The following TAFA4 variants were observed in gnomAD, a reference collection of about 807,000 sequenced individuals.
TAFA4 encodes the protein TAFA chemokine like family member 4, also known as chemokine-like protein TAFA-4.
Under a neutral mutation model 21.1 loss-of-function variants are expected in TAFA4, and 20 were observed. The observed-to-expected ratio is 0.95, with a 90% CI of 0.67 to 1.38. The LOEUF (loss-of-function observed/expected upper bound fraction) is 1.38. TAFA4 is among the 40% of genes most tolerant of loss of function. The pLI is 0.00. For missense variants in TAFA4, 211 were observed against 180.9 expected (o/e 1.17, Z -0.95); for synonymous variants, 71 against 67.4 (o/e 1.05, Z -0.26).
chr3:68,864,218 TC>T (rs1305411072), intron 3 of TAFA4, among the ~76,000 whole-genome samples: 1 of 152,086 alleles, frequency 6.6e-6, no homozygotes, highest in East Asian at 1.9e-4. Flanking sequence ...AGGAATTATA[TC>T]AAGAATATAA....
chr3:68,889,907 A>G (rs534173592), intron 1 of TAFA4, among the ~76,000 whole-genome samples: 3 of 152,222 alleles, frequency 2.0e-5, no homozygotes, highest in Non-Finnish European at 4.4e-5. Context: ...AATGAACTGT[A>G]CACCCACACA....
intron 3 of TAFA4, among the ~76,000 whole-genome samples, chr3:68,811,096 C>A (rs1439274919): frequency 5.9e-5 from 9 of 152,174 alleles, no homozygotes; most frequent in South Asian, 4.1e-4. Flanking sequence ...CTCCAACAGA[C>A]CTGCAGCTGA....
At chr3:68,804,646 C>A (rs1330572277) in intron 3 of TAFA4, among the ~76,000 whole-genome samples, 1 of 152,106 alleles carries the variant, frequency 6.6e-6, no homozygotes, top group Admixed American at 6.6e-5. Context: ...AGAAATAATG[C>A]CTCCTATCTA....
At chr3:68,796,964 T>C (rs990818668) in intron 3 of TAFA4, among the ~76,000 whole-genome samples, 4 of 151,862 alleles carry the variant, frequency 2.6e-5, no homozygotes, top group African/African-American at 9.7e-5. Context: ...ATGACTACTA[T>C]CAAAAAAAAG....
At chr3:68,891,139 A>G (rs111679706) in intron 1 of TAFA4, among the ~76,000 whole-genome samples, 2,036 of 152,312 alleles carry the variant, frequency 0.013, 24 homozygotes, top group Middle Eastern at 0.027. Context: ...CAGTGAAGAT[A>G]TACCAGAGCC....
chr3:68,927,930 TC>T (rs1024817203), intron 1 of TAFA4, among the ~76,000 whole-genome samples: 2 of 152,054 alleles, frequency 1.3e-5, no homozygotes, highest in African/African-American at 4.8e-5. Context: ...AATGATATCT[TC>T]CTATTTTTCC....
intron 3 of TAFA4, among the ~76,000 whole-genome samples, chr3:68,800,191 C>T (rs1703546509): frequency 6.6e-6 from 1 of 152,082 alleles, no homozygotes; most frequent in African/African-American, 2.4e-5. Context: ...TATCCCAAAA[C>T]CATCCTTCCA....
intron 1 of TAFA4, among the ~76,000 whole-genome samples, chr3:68,926,945 G>A (rs1227572560): frequency 1.3e-5 from 2 of 152,048 alleles, no homozygotes; most frequent in African/African-American, 4.8e-5. Context: ...ATAATTCTTT[G>A]CTGTGGGAGC....
At chr3:68,901,876 A>G (rs1177341399) in intron 1 of TAFA4, among the ~76,000 whole-genome samples, 1 of 152,188 alleles carries the variant, frequency 6.6e-6, no homozygotes, top group Admixed American at 6.5e-5. Context: ...TGGGCAAATC[A>G]TTAGACCTCT....
intron 3 of TAFA4, among the ~76,000 whole-genome samples, chr3:68,852,867 A>G (rs996261039): frequency 2.6e-5 from 4 of 152,184 alleles, no homozygotes; most frequent in Non-Finnish European, 5.9e-5. Context: ...GAGCACTGGA[A>G]AAAGAAAAAA....
chr3:68,795,874 A>C (rs1027310160), intron 3 of TAFA4, among the ~76,000 whole-genome samples: 2 of 152,138 alleles, frequency 1.3e-5, no homozygotes, highest in Non-Finnish European at 2.9e-5. Flanking sequence ...CCAGGTATTC[A>C]AACAGATGTG....
intron 3 of TAFA4, among the ~76,000 whole-genome samples, chr3:68,782,883 T>C (rs189112084): frequency 1.9e-3 from 295 of 152,340 alleles, no homozygotes; most frequent in African/African-American, 6.6e-3. Flanking sequence ...ACCTTAAAGT[T>C]GTTTTAAAAA....
At chr3:68,821,699 A>C (rs1417123348) in intron 3 of TAFA4, among the ~76,000 whole-genome samples, 1 of 152,020 alleles carries the variant, frequency 6.6e-6, no homozygotes, top group East Asian at 1.9e-4. Flanking sequence ...CCTTGGCAAT[A>C]AACACCACTG....
chr3:68,757,206 C>T (rs556330982), intron 3 of TAFA4, among the ~76,000 whole-genome samples: 52 of 152,128 alleles, frequency 3.4e-4, no homozygotes, highest in Non-Finnish European at 6.5e-4. Context: ...TCTTGGTGAG[C>T]GCTCTCCTCC....
At chr3:68,822,475 TTCTCTC>T (rs374346953) in intron 3 of TAFA4, among the ~76,000 whole-genome samples, 1 of 151,946 alleles carries the variant, frequency 6.6e-6, no homozygotes, top group African/African-American at 2.4e-5. Context: ...AATTCTTTTT[TTCTCTC>T]TCTCTCTGAG....
At chr3:68,766,010 G>A (rs1702847674) in intron 3 of TAFA4, among the ~76,000 whole-genome samples, 1 of 152,000 alleles carries the variant, frequency 6.6e-6, no homozygotes, top group South Asian at 2.1e-4. Flanking sequence ...TACAATGCTG[G>A]GAGAAAGTCT....
intron 3 of TAFA4, among the ~76,000 whole-genome samples, chr3:68,802,433 G>A (rs574025866): frequency 1.3e-5 from 2 of 150,466 alleles, no homozygotes; most frequent in Non-Finnish European, 1.5e-5. Context: ...GGGAAGGGGG[G>A]TTGGCAGGAA....
intron 3 of TAFA4, among the ~76,000 whole-genome samples, chr3:68,767,334 T>A (rs1702873717): frequency 6.6e-6 from 1 of 151,968 alleles, no homozygotes; most frequent in Admixed American, 6.6e-5. Flanking sequence ...GTTTTTCAAC[T>A]AGCCAGTAGA....
At chr3:68,803,310 G>T (rs1703616181) in intron 3 of TAFA4, among the ~76,000 whole-genome samples, 1 of 152,194 alleles carries the variant, frequency 6.6e-6, no homozygotes, top group Non-Finnish European at 1.5e-5. Flanking sequence ...GTTTGAAACT[G>T]CTGCCTGGTT....
Sources: gnomAD v4.1 joint callset for allele counts (sites outside exome capture counted in the v4.1 genomes callset) on GRCh38, gnomAD v4.1.1 for gene constraint, MANE v1.5 for transcripts, NCBI Gene and HGNC (gene_info 2026-07-23, HGNC 2026-07-21) for gene names.